Variants in YRDC observed in about 807,000 individuals in gnomAD.
The protein encoded by YRDC is threonylcarbamoyl-AMP synthase.
A neutral mutation model predicts 21.5 loss-of-function variants in YRDC; 17 were observed. The observed-to-expected ratio is 0.79, with a 90% CI of 0.54 to 1.19. The LOEUF (loss-of-function observed/expected upper bound fraction) is 1.19. Ranked by LOEUF, YRDC falls within the 50% of genes most tolerant of loss-of-function variation. The pLI is 0.00. For synonymous variants in YRDC, 193 were observed against 176.7 expected (o/e 1.09, Z -0.73); for missense variants, 380 against 397.1 (o/e 0.96, Z 0.37).
In YRDC at chr1:37,803,363, G is replaced by A. The variant is rs975457672; in HGVS notation, c.*562C>T. On this transcript the variant is annotated 3_prime_UTR_variant, in exon 5 of 5. Coordinates refer to ENST00000373044, the MANE Select transcript of YRDC (RefSeq NM_024640.4). The stretch of plus-strand genomic sequence containing the variant: ...TAGCTTCAGGAGCCTTTGGTCACCT[G>A]AGACTTTTTATTTATTAATTTTTAT... 2 of 152,874 alleles carry A rather than the reference G, an allele frequency of 1.3e-5. No individual in the cohort carries two copies. Among genetic ancestry groups the A allele is most frequent in the African/African-American group, 4.8e-5 (2 of 41,426 alleles). The allele number at this position is 152,874 out of a possible 1,614,324, so 9.5% of individuals were successfully genotyped here.
rs935211102 is a variant in YRDC, at chr1:37,803,005, A to C, written c.*920T>G. On this transcript the variant is annotated 3_prime_UTR_variant, in exon 5 of 5. Transcript: ENST00000373044. ...AAAGAAAAACAAAGTTCAAATGCCCAATAATAATTATGTTTAACACTTGGT... is the reference window on the plus strand; with the variant it reads ...AAAGAAAAACAAAGTTCAAATGCCCCATAATAATTATGTTTAACACTTGGT... 1 of 152,238 alleles carries C rather than the reference A, an allele frequency of 6.6e-6. No homozygotes were observed. The allele number at this position is 152,238 out of a possible 1,614,324, so 9.4% of individuals were successfully genotyped here.
intron 3 of YRDC, among the ~76,000 whole-genome samples, chr1:37,806,175 T>A (rs1242235306): frequency 6.6e-6 from 1 of 151,778 alleles, no homozygotes; most frequent in East Asian, 1.9e-4. Flanking sequence ...AACAAGTGAT[T>A]TAACTTTCTG....
rs1646751462 is a variant in YRDC, at chr1:37,807,834, T to C, written c.347A>G (p.Lys116Arg). ...GCGGCCGAGGCATACGGCCAGAGGC[T>C]TGGCCTCGCTGCGACCCTTGAGGCG... Reference protein sequence around the residue: ...VYRLKGRSEAKPLAVCLGRVA... With the variant: ...VYRLKGRSEARPLAVCLGRVA... The change falls in exon 1 of 5, where the codon AAG (lysine) becomes AGG (arginine). Residue 116 changes from lysine to arginine, a missense_variant. Transcript: ENST00000373044. 2.0e-6 allele frequency: 3 copies of C among 1,509,816 alleles called. No individual in the cohort carries two copies. Among genetic ancestry groups the C allele is most frequent in the Non-Finnish European group, 8.8e-7 (1 of 1,133,888 alleles). 93.5% of individuals were successfully genotyped at this position (1,509,816 alleles called of 1,614,324 possible). A position where few individuals can be genotyped will look rare whatever the true frequency, so the allele number is the denominator to read the frequency against.
intron 3 of YRDC, among the ~76,000 whole-genome samples, chr1:37,805,312 G>A (rs897060652): frequency 3.9e-5 from 6 of 152,138 alleles, no homozygotes; most frequent in Non-Finnish European, 7.4e-5. Context: ...TAATGGCTGC[G>A]TAACCTGGAA....
intron 3 of YRDC, among the ~76,000 whole-genome samples, chr1:37,805,599 T>C (rs1646729220): frequency 6.6e-6 from 1 of 152,154 alleles, no homozygotes; most frequent in Non-Finnish European, 1.5e-5. Flanking sequence ...ACAGGTCAAA[T>C]GATTGCTGAC....
At chr1:37,804,152 CTT>C (rs963067011) in intron 4 of YRDC, 148 bp downstream of exon 4, 3 of 1,430,328 alleles carry the variant, frequency 2.1e-6, no homozygotes, top group African/African-American at 2.8e-5. Flanking sequence ...AGCCAGGAAA[CTT>C]AGTCCCACTG....
rs1452696477 is a variant in YRDC at position 37,807,113 on chromosome 1, GT to G, written c.491del (p.Asn164ThrfsTer7). 2 of 1,614,066 alleles carry G rather than the reference GT, an allele frequency of 1.2e-6. No individual in the cohort carries two copies. The highest frequency in any genetic ancestry group is 3.3e-5 in the Admixed American group (2 of 60,010). ...ERSEELNKDLNPFTPLVGIRI... is the reference protein window; with the variant it reads ...ERSEELNKDLXPFTPLVGIRI... ...AAACTTGACTCACAGGCGTAAAAGG[GT>G]TTAGGTCCTTGTTGAGCTCCTCCGA... On this transcript the variant is annotated frameshift_variant, in exon 2 of 5. Transcript: ENST00000373044. LOFTEE classifies it high-confidence loss of function.
In YRDC at chr1:37,803,962, T is replaced by G. The variant is rs1557577701; in HGVS notation, c.803A>C (p.Lys268Thr). ...CGCATGTGAGGGGAGCAGTCCGTAC[T>G]TCTGTTGGAGGATGGCTGTAGTACT... The part of the protein sequence containing the change: ...LESTTAILQQ[K>T]YGLLPSHASY... Residue 268 changes from lysine (K) to threonine (T), a missense_variant, in exon 5 of 5, where the codon AAG (lysine) becomes ACG (threonine). Around this residue, in one of 3 missense-constraint regions of YRDC, gnomAD observed 238 missense variants for 236.5 expected, o/e 1.01. Coordinates refer to ENST00000373044, the MANE Select transcript of YRDC (RefSeq NM_024640.4). 8 of 1,614,084 alleles carry G rather than the reference T, an allele frequency of 5.0e-6. No homozygotes were observed. Among genetic ancestry groups the G allele is most frequent in the Non-Finnish European group, 6.8e-6 (8 of 1,180,042 alleles).
In YRDC at chr1:37,804,593, A is replaced by G. The variant is rs1056141668; in HGVS notation, c.625-149T>C. ...AAGGAGCTTCATTTAGTTAAGGTCAACTGTGCCAAAGACACTGTATTCTAT... is the reference window on the plus strand; with the variant it reads ...AAGGAGCTTCATTTAGTTAAGGTCAGCTGTGCCAAAGACACTGTATTCTAT... On this transcript the variant is annotated intron_variant, in intron 3 of 4. Coordinates refer to ENST00000373044, the MANE Select transcript of YRDC (RefSeq NM_024640.4). 9 of 1,084,414 alleles carry G rather than the reference A, an allele frequency of 8.3e-6. 1 individual carries two copies. The East Asian group carries it at 2.1e-4, about 25-fold the overall frequency. 67.2% of individuals were successfully genotyped at this position (1,084,414 alleles called of 1,614,324 possible). A position where few individuals can be genotyped will look rare whatever the true frequency, so the allele number is the denominator to read the frequency against.
chr1:37,806,762 G>C, intron 3 of YRDC, 95 bp downstream of exon 3: 1 of 1,570,328 alleles, frequency 6.4e-7, no homozygotes, highest in Non-Finnish European at 8.7e-7. Context: ...GAACTCTCAT[G>C]CCTGGCCATC....
At chr1:37,804,739 T>C (rs899467102) in intron 3 of YRDC, among the ~76,000 whole-genome samples, 4 of 152,268 alleles carry the variant, frequency 2.6e-5, no homozygotes, top group South Asian at 2.1e-4. Flanking sequence ...ATAAGTACAA[T>C]GAATGGAGTT....
In YRDC at chr1:37,807,165, C is replaced by A; in HGVS notation, c.440G>T (p.Gly147Val). The change falls in exon 2 of 5, where the codon GGA becomes GTA. Residue 147 changes from glycine to valine, a missense_variant. Transcript: ENST00000373044. ...PEGLLKDLLP[G>V]PVTLVMERSE... ...GCGTTCCATCACCAGGGTCACTGGT[C>A]CTGGCAGTAGGTCTTTCAGGAGCCC... is the stretch of plus-strand genomic sequence containing the variant. 6.2e-7 allele frequency: 1 copy of A among 1,614,130 alleles called. No homozygotes were observed. The highest frequency in any genetic ancestry group is 8.5e-7 in the Non-Finnish European group (1 of 1,180,018).
At chr1:37,806,740 C>T in intron 3 of YRDC, 117 bp downstream of exon 3, 1 of 1,504,818 alleles carries the variant, frequency 6.6e-7, no homozygotes. Context: ...AACCTTCCCA[C>T]TGTTGGCCCA....
chr1:37,807,458 A>G, intron 1 of YRDC: 2 of 586,302 alleles, frequency 3.4e-6, no homozygotes, highest in Non-Finnish European at 6.0e-6. Context: ...ATATCATGAT[A>G]GTGGGATCAA....
Position 37,807,774 on chromosome 1 carries a change from G to C in YRDC, c.389+18C>G, listed in dbSNP as rs1310426611. ...CCGCGGTGCCGCCCCTAGCGGGGCC[G>C]GGTCGGGGCGGCCTTACCTGTAGAC... On this transcript the variant is annotated intron_variant, in intron 1 of 4. Coordinates refer to ENST00000373044, the MANE Select transcript of YRDC (RefSeq NM_024640.4). The C allele has an allele frequency of 1.3e-6, 2 of 1,488,930 alleles. No homozygotes were observed. Among genetic ancestry groups the C allele is most frequent in the South Asian group, 1.2e-5 (1 of 80,898 alleles). The allele number at this position is 1,488,930 out of a possible 1,614,324, so 92.2% of individuals were successfully genotyped here.
Position 37,804,340 on chromosome 1 carries a change from C to A in YRDC, c.729G>T (p.Leu243Phe), listed in dbSNP as rs112627355. The A allele has an allele frequency of 1.9e-6, 3 of 1,614,164 alleles. No homozygotes were observed. Among genetic ancestry groups the A allele is most frequent in the Non-Finnish European group, 2.5e-6 (3 of 1,179,998 alleles). The change falls in exon 4 of 5, where the codon TTG becomes TTT. Residue 243 changes from leucine to phenylalanine, a missense_variant. Physicochemically the swap from Leu to Phe is conservative, Grantham distance 22 (BLOSUM62 0). Transcript: ENST00000373044. The stretch of plus-strand genomic sequence containing the variant: ...TGATGCCAAACTTTCCGGGCACAGA[C>A]AAATCAACCACAGTTGAGCCAAGGC... ...ECRLGSTVVD[L>F]SVPGKFGIIR...
At chr1:37,807,657 A>AT (rs959899206) in intron 1 of YRDC, 135 bp downstream of exon 1, 5 of 1,341,212 alleles carry the variant, frequency 3.7e-6, no homozygotes, top group Non-Finnish European at 4.8e-6. Flanking sequence ...TCCTCGGTAC[A>AT]TATTTCCAGT....
Position 37,803,805 on chromosome 1 carries a change from TTAAAA to T in YRDC, c.*115_*119del. 8.9e-7 allele frequency: 1 copy of T among 1,118,320 alleles called. No individual in the cohort carries two copies. The highest frequency in any genetic ancestry group is 1.3e-6 in the Non-Finnish European group (1 of 768,734). 69.3% of individuals were successfully genotyped at this position (1,118,320 alleles called of 1,614,324 possible). A position where few individuals can be genotyped will look rare whatever the true frequency, so the allele number is the denominator to read the frequency against. On this transcript the variant is annotated 3_prime_UTR_variant, in exon 5 of 5. Transcript: ENST00000373044. The stretch of plus-strand genomic sequence containing the variant: ...ACAGTGCTCAGAAAGACACACTGCC[TTAAAA>T]GTCAGGCTAGTGCCCTAGCTCCGGT...
intron 3 of YRDC, among the ~76,000 whole-genome samples, chr1:37,805,357 T>G (rs1646727661): frequency 6.6e-6 from 1 of 152,226 alleles, no homozygotes; most frequent in Non-Finnish European, 1.5e-5. Context: ...TCTAGAACTA[T>G]GCTCCTGGAT....
Sources: gnomAD v4.1 joint callset for allele counts (sites outside exome capture counted in the v4.1 genomes callset) on GRCh38, gnomAD v4.1.1 for gene constraint, gnomAD v4.1.1 regional missense constraint, MANE v1.5 for transcripts, NCBI Gene and HGNC (gene_info 2026-07-23, HGNC 2026-07-21) for gene names.